The following ZNF568 variants were observed in gnomAD, a reference collection of about 807,000 sequenced individuals.
ZNF568 encodes the protein p53 inhibitor of SCO2 activation.
A neutral mutation model predicts 18.1 loss-of-function variants in ZNF568; 11 were observed. That is an observed-to-expected ratio of 0.61 (90% CI 0.38 to 1.00). ZNF568 has a LOEUF of 1.00. Among genes scored for constraint, ZNF568 ranks in the 50% least tolerant of loss-of-function variants. The pLI is 0.01. For synonymous variants in ZNF568, 213 were observed against 246.6 expected (o/e 0.86, Z 1.28); for missense variants, 639 against 768.2 (o/e 0.83, Z 1.99).
chr19:36,937,713 T>C (rs1279142317), intron 6 of ZNF568, among the ~76,000 whole-genome samples: 3 of 152,220 alleles, frequency 2.0e-5, no homozygotes, highest in Non-Finnish European at 4.4e-5. Context: ...TAGTTTCACT[T>C]CCCATTGTGC....
At chr19:36,944,832 G>C (rs1450803320) in intron 6 of ZNF568, among the ~76,000 whole-genome samples, 1 of 152,020 alleles carries the variant, frequency 6.6e-6, no homozygotes, top group East Asian at 1.9e-4. Context: ...ATAATAAAAA[G>C]ACAACTAAAC....
chr19:36,991,138 A>C lies in ZNF568; in HGVS notation c.10-38A>C, dbSNP rs1295559218. On this transcript the variant is annotated intron_variant, in intron 2 of 4. Coordinates refer to the ZNF568 transcript ENST00000433993. Reference sequence around the variant, plus strand: ...TTATGTTGTCTTAAAGATTTTGTCCATGAATTTCACAAATGGTGTATTTAT... The same window carrying C: ...TTATGTTGTCTTAAAGATTTTGTCCCTGAATTTCACAAATGGTGTATTTAT... 6 of 1,510,380 alleles carry C rather than the reference A, an allele frequency of 4.0e-6. No homozygotes were observed. In the African/African-American group the frequency reaches 8.4e-5, roughly 21 times the overall value. The allele number at this position is 1,510,380 out of a possible 1,614,324, so 93.6% of individuals were successfully genotyped here.
intron 6 of ZNF568, among the ~76,000 whole-genome samples, chr19:36,947,339 C>G (rs947975163): frequency 6.6e-6 from 1 of 151,980 alleles, no homozygotes; most frequent in Non-Finnish European, 1.5e-5. Context: ...TGTGTGGGGC[C>G]CCAAATGCCA....
At chr19:36,962,492 C>T (rs1247448028) in intron 6 of ZNF568, among the ~76,000 whole-genome samples, 1 of 151,866 alleles carries the variant, frequency 6.6e-6, no homozygotes, top group African/African-American at 2.4e-5. Flanking sequence ...AGGCATGCTC[C>T]ACCACACGTG....
chr19:36,996,144 C>T (rs1644695), intron 4 of ZNF568, among the ~76,000 whole-genome samples: 81,311 of 152,020 alleles, frequency 0.53, 22,273 homozygotes, highest in African/African-American at 0.62. Flanking sequence ...GTGGGCAGAT[C>T]GCTTGAGCCC....
At chr19:36,932,437 A>T (rs933587917) in intron 4 of ZNF568, among the ~76,000 whole-genome samples, 1 of 152,160 alleles carries the variant, frequency 6.6e-6, no homozygotes, top group African/African-American at 2.4e-5. Context: ...AAAATAAAAA[A>T]CAAGTAGCCG....
chr19:36,932,997 T>C (rs2073712884), intron 4 of ZNF568, among the ~76,000 whole-genome samples: 1 of 152,220 alleles, frequency 6.6e-6, no homozygotes, highest in African/African-American at 2.4e-5. Flanking sequence ...TTCTTGATGA[T>C]GTCCTTAGAA....
At chr19:36,927,900 TA>T (rs1249723111) in intron 4 of ZNF568, among the ~76,000 whole-genome samples, 1 of 35,330 alleles carries the variant, frequency 2.8e-5, no homozygotes, top group African/African-American at 1.4e-4. Context: ...TATATATATA[TA>T]TATTTTTTTT....
intron 5 of ZNF568, 92 bp downstream of exon 5, chr19:36,936,964 C>G: frequency 6.6e-7 from 1 of 1,504,046 alleles, no homozygotes; most frequent in Non-Finnish European, 9.1e-7. Context: ...TGAATCTAGC[C>G]TTTCCTTTCT....
At position 36,943,335 on chromosome 19, in the gene ZNF568, G is replaced by A. The variant is rs567359453; in HGVS notation, c.358+6093G>A. 1.2e-3 allele frequency among the ~76,000 whole-genome samples: 186 copies of A among 150,512 alleles called. 1 individual carries two copies. The highest frequency in any genetic ancestry group is 3.8e-3 in the African/African-American group (154 of 40,882). On this transcript the variant is annotated intron_variant, in intron 6 of 6. Coordinates refer to ENST00000333987, the MANE Select transcript of ZNF568 (RefSeq NM_198539.4). ...GCCTAGATCCATTATTTTATTGAGCGTCTTTCACTTTTATTAGCTGAAATT... is the reference window on the plus strand; with the variant it reads ...GCCTAGATCCATTATTTTATTGAGCATCTTTCACTTTTATTAGCTGAAATT...
intron 4 of ZNF568, among the ~76,000 whole-genome samples, chr19:36,934,509 A>G (rs1260694007): frequency 1.3e-5 from 2 of 151,890 alleles, no homozygotes; most frequent in Non-Finnish European, 2.9e-5. Flanking sequence ...TTTTGTAGAG[A>G]TGGGGTTTTA....
chr19:36,978,247 G>T (rs1481719646), intron 7 of ZNF568, among the ~76,000 whole-genome samples: 1 of 152,220 alleles, frequency 6.6e-6, no homozygotes, highest in Non-Finnish European at 1.5e-5. Flanking sequence ...AGAGCACAAA[G>T]CCTAATGTTG....
In ZNF568 at chr19:36,950,780, C is replaced by T; in HGVS notation, c.1627C>T (p.Gln543Ter). 6.2e-7 allele frequency: 1 copy of T among 1,613,396 alleles called. No homozygotes were observed. Among genetic ancestry groups the T allele is most frequent in the South Asian group, 1.1e-5 (1 of 91,056 alleles). The change falls in exon 7 of 7, where the codon CAA (glutamine) becomes TAA (stop). Residue 543 changes from glutamine (Q) to a stop codon, truncating the protein, a stop_gained. Transcript: ENST00000333987. LOFTEE classifies it low-confidence loss of function (END_TRUNC). The stretch of plus-strand genomic sequence containing the variant: ...ATGTGGGAAAGCTTTCAGTCAGAGA[C>T]AAAATCTTCTTGAGCATGAAAAAAT... The part of the protein sequence containing the change: ...NQCGKAFSQR[Q>*]NLLEHEKIHT...
chr19:36,971,186 C>T (rs1039260873), intron 6 of ZNF568, among the ~76,000 whole-genome samples: 4 of 151,170 alleles, frequency 2.6e-5, no homozygotes, highest in East Asian at 1.9e-4. Context: ...TGAGCTGAGA[C>T]GGCATCACTG....
chr19:36,928,064 A>G (rs1248381054), intron 4 of ZNF568, among the ~76,000 whole-genome samples: 1 of 149,776 alleles, frequency 6.7e-6, no homozygotes, highest in Non-Finnish European at 1.5e-5. Flanking sequence ...ACAGGGGTAC[A>G]CCACCATGCC....
chr19:36,936,217 G>A (rs2073787236), intron 4 of ZNF568, among the ~76,000 whole-genome samples: 1 of 152,038 alleles, frequency 6.6e-6, no homozygotes, highest in South Asian at 2.1e-4. Flanking sequence ...TTGGTCTTAT[G>A]TAGCTCTATT....
intron 6 of ZNF568, among the ~76,000 whole-genome samples, chr19:36,961,180 A>C (rs2074146292): frequency 6.6e-6 from 1 of 151,936 alleles, no homozygotes; most frequent in Non-Finnish European, 1.5e-5. Flanking sequence ...TTGCTTTATG[A>C]ATCTGGGTAC....
chr19:36,948,306 A>G (rs2073998363), intron 6 of ZNF568, among the ~76,000 whole-genome samples: 1 of 152,198 alleles, frequency 6.6e-6, no homozygotes, highest in African/African-American at 2.4e-5. Context: ...ACTTGATAGC[A>G]CATCTGTTTT....
chr19:36,963,683 A>G (rs1210776592), intron 6 of ZNF568, among the ~76,000 whole-genome samples: 2 of 151,918 alleles, frequency 1.3e-5, no homozygotes, highest in Non-Finnish European at 1.5e-5. Context: ...GAAAGGCCCA[A>G]GTTGGCCGGG....
Sources: allele counts gnomAD v4.1 joint callset (sites outside exome capture counted in the v4.1 genomes callset), GRCh38; gene constraint gnomAD v4.1.1; transcripts MANE v1.5; gene names NCBI Gene and HGNC (gene_info 2026-07-23, HGNC 2026-07-21).